Variants in CDH2 observed in about 807,000 individuals in gnomAD.
The protein encoded by CDH2 is cadherin-2.
A neutral mutation model predicts 92.0 loss-of-function variants in CDH2; 17 were observed. The observed-to-expected ratio is 0.18, with a 90% CI of 0.13 to 0.28. The LOEUF (loss-of-function observed/expected upper bound fraction) is 0.28. Among genes scored for constraint, CDH2 ranks in the 10% least tolerant of loss-of-function variants. The pLI, the probability that CDH2 is intolerant of heterozygous loss-of-function variation, is 1.00. For synonymous variants in CDH2, 419 were observed against 415.9 expected, an observed-to-expected ratio of 1.01 and a Z score of -0.09; for missense variants, 862 against 1,133.1, an observed-to-expected ratio of 0.76 and a Z score of 3.44.
chr18:27,959,859 A>G (rs2011351591), intron 15 of CDH2, among the ~76,000 whole-genome samples: 1 of 152,062 alleles, frequency 6.6e-6, no homozygotes, highest in South Asian at 2.1e-4. Flanking sequence ...ATTCGAATTC[A>G]TGGATTTAGG....
intron 5 of CDH2, among the ~76,000 whole-genome samples, chr18:28,008,809 T>C (rs922008174): frequency 6.6e-6 from 1 of 151,682 alleles, no homozygotes; most frequent in Non-Finnish European, 1.5e-5. Context: ...ATTCAACAAA[T>C]GTATCAGTGG....
At chr18:28,149,411 GTTTC>G (rs1359987993) in intron 1 of CDH2, among the ~76,000 whole-genome samples, 4 of 152,082 alleles carry the variant, frequency 2.6e-5, no homozygotes, top group East Asian at 1.9e-4. Flanking sequence ...CAAAAAGTCA[GTTTC>G]TTTAAGTTCC....
chr18:28,044,588 C>T (rs905334262), intron 2 of CDH2, among the ~76,000 whole-genome samples: 6 of 152,160 alleles, frequency 3.9e-5, no homozygotes, highest in African/African-American at 1.4e-4. Context: ...GGCCTATCTA[C>T]TCAATGACAT....
At chr18:27,975,291 C>T (rs2011788022) in intron 14 of CDH2, among the ~76,000 whole-genome samples, 1 of 152,192 alleles carries the variant, frequency 6.6e-6, no homozygotes, top group South Asian at 2.1e-4. Flanking sequence ...GGAATCTTTC[C>T]ACAGCCACGT....
chr18:27,955,637 GT>G (rs2011226157), intron 15 of CDH2, among the ~76,000 whole-genome samples: 1 of 151,602 alleles, frequency 6.6e-6, no homozygotes, highest in Non-Finnish European at 1.5e-5. Context: ...TATAATGCTT[GT>G]GATAATCAAC....
chr18:27,999,875 C>T (rs1051713427), intron 7 of CDH2, among the ~76,000 whole-genome samples: 4 of 151,788 alleles, frequency 2.6e-5, no homozygotes, highest in African/African-American at 9.7e-5. Flanking sequence ...GGGGCAGTTT[C>T]CCCCATACTG....
chr18:28,004,375 A>G (rs537833220), intron 6 of CDH2, among the ~76,000 whole-genome samples: 9 of 152,354 alleles, frequency 5.9e-5, no homozygotes, highest in African/African-American at 2.2e-4. Flanking sequence ...TATAGATCAC[A>G]ACGCAGTTTA....
chr18:28,068,732 T>C (rs2014560135), intron 2 of CDH2, among the ~76,000 whole-genome samples: 1 of 152,248 alleles, frequency 6.6e-6, no homozygotes, highest in Admixed American at 6.5e-5. Flanking sequence ...TTTAAGAAGG[T>C]TGACATGAAA....
At chr18:28,096,750 CA>C (rs1036887760) in intron 2 of CDH2, among the ~76,000 whole-genome samples, 1 of 152,096 alleles carries the variant, frequency 6.6e-6, no homozygotes, top group Non-Finnish European at 1.5e-5. Flanking sequence ...ACTGCATAAA[CA>C]AAACAAAAAT....
intron 9 of CDH2, among the ~76,000 whole-genome samples, chr18:27,991,954 G>C (rs1003444455): frequency 1.2e-4 from 18 of 152,190 alleles, no homozygotes; most frequent in Non-Finnish European, 2.1e-4. Flanking sequence ...TTATAGCTAC[G>C]CATTTATTAT....
intron 2 of CDH2, among the ~76,000 whole-genome samples, chr18:28,107,869 G>GGAAAAAA (rs2015348403): frequency 6.6e-6 from 1 of 151,860 alleles, no homozygotes; most frequent in African/African-American, 2.4e-5. Context: ...GAAAAGAAAA[G>GGAAAAAA]GAAAAAAGAA....
chr18:28,038,791 T>A (rs1301181342), intron 2 of CDH2, among the ~76,000 whole-genome samples: 2 of 152,144 alleles, frequency 1.3e-5, no homozygotes, highest in Non-Finnish European at 2.9e-5. Context: ...TACTCATGGA[T>A]CTTTGATAAT....
chr18:27,947,348 G>T (rs1322786925), downstream of CDH2, among the ~76,000 whole-genome samples: 1 of 151,758 alleles, frequency 6.6e-6, no homozygotes, highest in African/African-American at 2.4e-5. Context: ...GAAATTCCAT[G>T]AAAGTATATA....
Position 28,006,448 on chromosome 18 carries a change from T to A in CDH2, c.703-455A>T, listed in dbSNP as rs985310747. 3.9e-5 allele frequency among the ~76,000 whole-genome samples: 6 copies of A among 152,148 alleles called. No individual in the cohort carries two copies. In the East Asian group the frequency reaches 1.2e-3, roughly 30 times the overall value. The stretch of plus-strand genomic sequence containing the variant: ...AAATGTGAAAGTAGGCCAGGCACGG[T>A]GGCTCACGCCTGTAATCCCAGCACA... On this transcript the variant is annotated intron_variant, in intron 5 of 15. Transcript: ENST00000269141.
intron 2 of CDH2, among the ~76,000 whole-genome samples, chr18:28,039,189 G>T (rs1243397804): frequency 6.6e-6 from 1 of 152,020 alleles, no homozygotes; most frequent in African/African-American, 2.4e-5. Flanking sequence ...TTGGAAGCTA[G>T]CAAGTCCATA....
intron 1 of CDH2, 47 bp from the exon 2 acceptor site, chr18:28,147,831 T>C (rs2016061815): frequency 1.9e-6 from 2 of 1,036,388 alleles, no homozygotes; most frequent in African/African-American, 1.6e-5. Flanking sequence ...GATTGCTACC[T>C]CCTTCAACTG....
intron 2 of CDH2, among the ~76,000 whole-genome samples, chr18:28,131,549 C>G (rs1029697967): frequency 6.6e-6 from 1 of 152,004 alleles, no homozygotes; most frequent in Non-Finnish European, 1.5e-5. Context: ...GATTTTTTTC[C>G]TGTACTCTCC....
At chr18:28,048,776 AC>A (rs1043597738) in intron 2 of CDH2, among the ~76,000 whole-genome samples, 14 of 152,194 alleles carry the variant, frequency 9.2e-5, no homozygotes, top group African/African-American at 3.4e-4. Context: ...AAAACAACAA[AC>A]AAAATTTCTG....
rs142788935 is a variant in CDH2 at position 27,937,840 on chromosome 18, C to T, written c.1152-4716G>A. The stretch of plus-strand genomic sequence containing the variant: ...AGCTCCAGATAGTCAGAAAATCATC[C>T]GCTATGAATGGTGAGGCAAGTTTTT... On this transcript the variant is annotated intron_variant, in intron 6 of 6. Coordinates refer to the CDH2 transcript ENST00000675173. 1.9e-3 allele frequency among the ~76,000 whole-genome samples: 295 copies of T among 152,230 alleles called. 3 individuals carry two copies. In the East Asian group the frequency reaches 0.035, roughly 18 times the overall value.
Sources: allele counts gnomAD v4.1 joint callset (sites outside exome capture counted in the v4.1 genomes callset), GRCh38; gene constraint gnomAD v4.1.1; transcripts MANE v1.5; gene names NCBI Gene and HGNC (gene_info 2026-07-23, HGNC 2026-07-21).